The following UTP20 variants were observed in gnomAD, a reference collection of about 807,000 sequenced individuals.
The protein encoded by UTP20 is small subunit processome component 20 homolog.
UTP20 carries 164 observed loss-of-function variants against 329.5 expected under a neutral mutation model. The observed-to-expected ratio is 0.50, with a 90% CI of 0.44 to 0.57. The LOEUF (loss-of-function observed/expected upper bound fraction) is 0.57, where lower values mean the gene tolerates loss of function less well. Ranked by LOEUF, UTP20 falls within the 20% of genes least tolerant of loss-of-function variation. The pLI, the probability that UTP20 is intolerant of heterozygous loss-of-function variation, is 0.00. For missense variants in UTP20, 3,055 were observed against 3,284.2 expected, an observed-to-expected ratio of 0.93 and a Z score of 1.71; for synonymous variants, 1,151 against 1,159.3, an observed-to-expected ratio of 0.99 and a Z score of 0.14.
At chr12:101,286,672 T>G (rs1383121557) in intron 5 of UTP20, among the ~76,000 whole-genome samples, 163 bp downstream of exon 5, 1 of 151,726 alleles carries the variant, frequency 6.6e-6, no homozygotes, top group Non-Finnish European at 1.5e-5. Flanking sequence ...CCAGTCTGAG[T>G]TGCCATGACC....
intron 21 of UTP20, among the ~76,000 whole-genome samples, chr12:101,315,018 G>A (rs1030363727): frequency 1.3e-5 from 2 of 151,876 alleles, no homozygotes. Context: ...ACATGAACCC[G>A]GAGGCAGAGG....
At chr12:101,293,865 C>T (rs180951121) in intron 11 of UTP20, among the ~76,000 whole-genome samples, 15 of 152,188 alleles carry the variant, frequency 9.9e-5, no homozygotes, top group East Asian at 3.9e-4. Context: ...TCCTTTCTCC[C>T]GTGTTCCCTT....
chr12:101,347,510 G>A (rs768955831), intron 38 of UTP20, among the ~76,000 whole-genome samples: 59 of 151,780 alleles, frequency 3.9e-4, no homozygotes, highest in Non-Finnish European at 7.5e-4. Flanking sequence ...GCGACAGAGC[G>A]AGACTATTTG....
chr12:101,317,714 A>G (rs1181012180), intron 22 of UTP20, 51 bp downstream of exon 22: 4 of 1,529,046 alleles, frequency 2.6e-6, no homozygotes, highest in Admixed American at 4.2e-5. Flanking sequence ...TGGGAGGAAC[A>G]GGAAGAGGTC....
In UTP20 at chr12:101,297,149, G is replaced by T. The variant is rs114150610; in HGVS notation, c.1430+1491G>T. The stretch of plus-strand genomic sequence containing the variant: ...TACTGTCCCACAGTCACAGAGCAGA[G>T]CTAGCTTTTGAGTTTGATCAGCTTG... On this transcript the variant is annotated intron_variant, in intron 12 of 61. Transcript: ENST00000261637. Among the ~76,000 whole-genome samples the T allele has an allele frequency of 8.5e-3, 1,292 of 152,254 alleles. 16 individuals are homozygous for T. Among genetic ancestry groups the T allele is most frequent in the African/African-American group, 0.03 (1,226 of 41,534 alleles).
intron 27 of UTP20, among the ~76,000 whole-genome samples, chr12:101,333,000 T>G (rs1057429156): frequency 9.2e-5 from 14 of 152,232 alleles, no homozygotes; most frequent in African/African-American, 3.4e-4. Context: ...TTTACTTGAA[T>G]GAAAAAGTAA....
chr12:101,332,806 A>G (rs1868803612), intron 27 of UTP20, among the ~76,000 whole-genome samples: 2 of 151,760 alleles, frequency 1.3e-5, no homozygotes, highest in South Asian at 4.2e-4. Context: ...AACAAGAATA[A>G]TTTATAACTT....
chr12:101,304,034 A>G (rs1201995971), intron 15 of UTP20, among the ~76,000 whole-genome samples: 1 of 152,226 alleles, frequency 6.6e-6, no homozygotes, highest in Non-Finnish European at 1.5e-5. Context: ...AAAGACACAC[A>G]TAGCACAGAA....
At chr12:101,370,015 A>G (rs1870232563) in intron 49 of UTP20, 124 bp downstream of exon 49, 1 of 918,020 alleles carries the variant, frequency 1.1e-6, no homozygotes, top group Non-Finnish European at 1.6e-6. Context: ...AGAGTTCAAG[A>G]CCAGCTGGGT....
chr12:101,298,880 T>G (rs932440272), intron 12 of UTP20, among the ~76,000 whole-genome samples: 1 of 151,702 alleles, frequency 6.6e-6, no homozygotes, highest in Non-Finnish European at 1.5e-5. Context: ...TTTTGTTTTT[T>G]TTTTTCCTTC....
rs528731223 is a variant in UTP20 at position 101,359,465 on chromosome 12, C to G, written c.5691+2383C>G. On this transcript the variant is annotated intron_variant, in intron 43 of 61. Transcript: ENST00000261637. ...ATTTTTCTCCCACTGGTTCCTGAGG[C>G]TGTGTGTGTGTGTGTGTGTGTATGT... is the stretch of plus-strand genomic sequence containing the variant. 3.3e-3 allele frequency among the ~76,000 whole-genome samples: 485 copies of G among 148,150 alleles called. 2 individuals are homozygous for G. The highest frequency in any genetic ancestry group is 0.011 in the African/African-American group (440 of 40,518).
chr12:101,381,784 C>T (rs138254216), intron 58 of UTP20, among the ~76,000 whole-genome samples: 14 of 152,002 alleles, frequency 9.2e-5, no homozygotes, highest in African/African-American at 2.7e-4. Context: ...TTTGGGAGGC[C>T]GAGGCAGGTG....
At chr12:101,330,243 G>A (rs1565795601) in intron 27 of UTP20, among the ~76,000 whole-genome samples, 1 of 152,160 alleles carries the variant, frequency 6.6e-6, no homozygotes. Flanking sequence ...ACCTCACCAT[G>A]AGAAGAACAT....
intron 43 of UTP20, among the ~76,000 whole-genome samples, chr12:101,359,855 C>T (rs1869855883): frequency 6.6e-6 from 1 of 152,126 alleles, no homozygotes. Context: ...CTAGGCCAAC[C>T]CTCTCAGAAC....
intron 32 of UTP20, 151 bp from the exon 33 acceptor site, chr12:101,342,295 T>G: frequency 1.6e-6 from 1 of 618,020 alleles, no homozygotes; most frequent in Middle Eastern, 4.7e-4. Flanking sequence ...ATTAAAATGC[T>G]AAAAACTTTT....
chr12:101,311,837 G>C (rs774033977), intron 20 of UTP20, 39 bp downstream of exon 20: 1 of 1,586,560 alleles, frequency 6.3e-7, no homozygotes, highest in Admixed American at 1.8e-5. Flanking sequence ...GAAGAAAAGT[G>C]GTTGTTTAAC....
Position 101,357,085 on chromosome 12 carries a change from A to G in UTP20, c.5691+3A>G. On this transcript the variant is annotated splice_donor_region_variant and intron_variant, in intron 43 of 61. Transcript: ENST00000261637. ...CTACTCTTGTCCGTGGATACCAGGTAAATTGCATCTTGTGCTTTATATTCA... is the reference window on the plus strand; with the variant it reads ...CTACTCTTGTCCGTGGATACCAGGTGAATTGCATCTTGTGCTTTATATTCA... 2 of 1,604,870 alleles carry G rather than the reference A, an allele frequency of 1.2e-6. No homozygotes were observed. The highest frequency in any genetic ancestry group is 1.7e-6 in the Non-Finnish European group (2 of 1,175,770).
intron 26 of UTP20, 109 bp from the exon 27 acceptor site, chr12:101,329,129 GACA>G: frequency 1.1e-6 from 1 of 903,606 alleles, no homozygotes; most frequent in South Asian, 1.7e-5. Context: ...AAATTACCAT[GACA>G]GTAGAAAATA....
Position 101,313,972 on chromosome 12 carries a change from A to G in UTP20, c.2552+1696A>G, listed in dbSNP as rs901999530. ...ATTTAATTTAGAAGTTCAAAGCTCA[A>G]GGGAAAGGTTTGATCTGGAGATAAC... On this transcript the variant is annotated intron_variant, in intron 21 of 61. Coordinates refer to ENST00000261637, the MANE Select transcript of UTP20 (RefSeq NM_014503.3). Among the ~76,000 whole-genome samples the G allele has an allele frequency of 1.2e-4, 18 of 152,204 alleles. 1 individual carries two copies. The highest frequency in any genetic ancestry group is 2.5e-4 in the Non-Finnish European group (17 of 68,042).
Sources: gnomAD v4.1 joint callset for allele counts (sites outside exome capture counted in the v4.1 genomes callset) on GRCh38, gnomAD v4.1.1 for gene constraint, MANE v1.5 for transcripts, NCBI Gene and HGNC (gene_info 2026-07-23, HGNC 2026-07-21) for gene names.